Variants in VIPR2 observed in about 807,000 individuals in gnomAD.
The protein encoded by VIPR2 is vasoactive intestinal polypeptide receptor 2.
VIPR2 carries 48 observed loss-of-function variants against 58.0 expected under a neutral mutation model. That is an observed-to-expected ratio of 0.83 (90% CI 0.66 to 1.05). VIPR2 has a LOEUF of 1.05. Among genes scored for constraint, VIPR2 ranks in the 50% least tolerant of loss-of-function variants. The pLI is 0.00. For synonymous variants in VIPR2, 243 were observed against 235.2 expected (o/e 1.03, Z -0.30); for missense variants, 534 against 558.0 (o/e 0.96, Z 0.43).
chr7:159,135,004 G>GTTTTTTGTTTTTTTT (rs1416758329), intron 2 of VIPR2, among the ~76,000 whole-genome samples: 4 of 65,992 alleles, frequency 6.1e-5, no homozygotes, highest in African/African-American at 2.6e-4. Context: ...AATTACAAAA[G>GTTTTTTGTTTTTTTT]TTTTTTTTTT....
chr7:159,084,041 G>A (rs988218480), intron 4 of VIPR2, among the ~76,000 whole-genome samples: 3 of 152,234 alleles, frequency 2.0e-5, no homozygotes, highest in Non-Finnish European at 2.9e-5. Flanking sequence ...ACACATCTCC[G>A]TCTGGGAAAC....
At chr7:159,063,051 C>T (rs1159400022) in intron 4 of VIPR2, among the ~76,000 whole-genome samples, 1 of 152,242 alleles carries the variant, frequency 6.6e-6, no homozygotes, top group African/African-American at 2.4e-5. Context: ...TTCCCCACGT[C>T]CCCACTGGAC....
At chr7:159,078,026 C>T (rs1856730096) in intron 4 of VIPR2, among the ~76,000 whole-genome samples, 1 of 152,242 alleles carries the variant, frequency 6.6e-6, no homozygotes, top group Admixed American at 6.5e-5. Flanking sequence ...TTGATATAAA[C>T]TTCAGAGAAA....
chr7:159,069,435 T>C (rs1856268179), intron 4 of VIPR2, among the ~76,000 whole-genome samples: 1 of 152,224 alleles, frequency 6.6e-6, no homozygotes, highest in South Asian at 2.1e-4. Context: ...GTGTGCGGAA[T>C]CCATCTCTTG....
At chr7:159,103,881 T>C (rs767109538) in intron 3 of VIPR2, 27 bp from the exon 4 acceptor site, 40 of 1,598,130 alleles carry the variant, frequency 2.5e-5, no homozygotes, top group Non-Finnish European at 3.3e-5. Flanking sequence ...AGATATTTTA[T>C]CTGCAAGTCC....
chr7:159,142,589 A>G lies in VIPR2; in HGVS notation c.52-44T>C, dbSNP rs182043735. 1.4e-3 allele frequency: 2,068 copies of G among 1,501,010 alleles called. 9 individuals are homozygous for G. The highest frequency in any genetic ancestry group is 1.1e-3 in the Non-Finnish European group (1,199 of 1,087,344). 93.0% of individuals were successfully genotyped at this position (1,501,010 alleles called of 1,614,324 possible). A position where few individuals can be genotyped will look rare whatever the true frequency, so the allele number is the denominator to read the frequency against. The stretch of plus-strand genomic sequence containing the variant: ...AATATTAATAACTAAAAATTCCACA[A>G]GAAGAAGAAAAGCAAGCAAAAATTC... On this transcript the variant is annotated intron_variant, in intron 1 of 12. Coordinates refer to ENST00000262178, the MANE Select transcript of VIPR2 (RefSeq NM_003382.5).
At position 159,034,639 on chromosome 7, in the gene VIPR2, G is replaced by A; in HGVS notation, c.821C>T (p.Thr274Ile). The A allele has an allele frequency of 1.9e-6, 3 of 1,613,840 alleles. No homozygotes were observed. Among genetic ancestry groups the A allele is most frequent in the Non-Finnish European group, 2.5e-6 (3 of 1,179,808 alleles). ...LYLEDTGCWD[T>I]NDHSVPWWVI... is the part of the protein sequence containing the mutation. ...CCACCAGGGCACACTGTGGTCGTTT[G>A]TATCCCAGCAACTGTCAGAGAGAGA... Residue 274 changes from threonine (T) to isoleucine (I), a missense_variant, in exon 9 of 13, where the codon ACA (threonine) becomes ATA (isoleucine). Thr to Ile is a moderately conservative substitution (Grantham distance 89). Around this residue, in one of 3 missense-constraint regions of VIPR2, gnomAD observed 306 missense variants for 285.8 expected, o/e 1.07. Coordinates refer to ENST00000262178, the MANE Select transcript of VIPR2 (RefSeq NM_003382.5).
At chr7:159,071,187 C>A (rs1376026914) in intron 4 of VIPR2, among the ~76,000 whole-genome samples, 2 of 152,210 alleles carry the variant, frequency 1.3e-5, no homozygotes, top group African/African-American at 4.8e-5. Context: ...TCATGAGGAA[C>A]TGTGCACACT....
At chr7:159,126,127 G>A (rs1261002932) in intron 2 of VIPR2, among the ~76,000 whole-genome samples, 4 of 152,220 alleles carry the variant, frequency 2.6e-5, no homozygotes, top group Non-Finnish European at 5.9e-5. Context: ...ATCTGGAGAT[G>A]CTGAAACGGT....
chr7:159,144,383 C>CCGCAGCT, intron 1 of VIPR2: 1 of 1,544,492 alleles, frequency 6.5e-7, no homozygotes, highest in Non-Finnish European at 8.7e-7. Context: ...GCGCAGGCGC[C>CCGCAGCT]CGCAGCTCCC....
chr7:159,135,004 G>GTTTTTTTTTTTTT lies in VIPR2; in HGVS notation c.151+7429_151+7441dup, dbSNP rs747914292. On this transcript the variant is annotated intron_variant, in intron 2 of 12. Transcript: ENST00000262178. Reference sequence around the variant, plus strand: ...TATTGGTCTTCTCTTAATTACAAAAGTTTTTTTTTTTTTTTTTTTTTTTTT... The same window carrying GTTTTTTTTTTTTT: ...TATTGGTCTTCTCTTAATTACAAAAGTTTTTTTTTTTTTTTTTTTTTTTTTTTTTTTTTTTTTT... Among the ~76,000 whole-genome samples, 317 of 65,812 alleles carry GTTTTTTTTTTTTT rather than the reference G, an allele frequency of 4.8e-3. 12 individuals are homozygous for GTTTTTTTTTTTTT. The highest frequency in any genetic ancestry group is 6.6e-3 in the Non-Finnish European group (231 of 35,188). 43.2% of individuals were successfully genotyped at this position (65,812 alleles called of 152,430 possible). A position where few individuals can be genotyped will look rare whatever the true frequency, so the allele number is the denominator to read the frequency against.
At position 159,093,376 on chromosome 7, in the gene VIPR2, A is replaced by G. The variant is rs1857610066; in HGVS notation, c.357+10381T>C. ...AACCGTGTTTTAAGAAGCGTCCTTT[A>G]GTAGAAGTCAGGGCAGGCACCGCGG... is the stretch of plus-strand genomic sequence containing the variant. On this transcript the variant is annotated intron_variant, in intron 4 of 12. Coordinates refer to ENST00000262178, the MANE Select transcript of VIPR2 (RefSeq NM_003382.5). This position sits in a 1 kb window ranked among gnomAD's most constrained non-coding sequence, Gnocchi z 6.7. 2.0e-5 allele frequency among the ~76,000 whole-genome samples: 3 copies of G among 152,204 alleles called. No homozygotes were observed. In the South Asian group the frequency reaches 6.2e-4, roughly 32 times the overall value.
At chr7:159,035,810 C>A in intron 8 of VIPR2, 142 bp downstream of exon 8, 1 of 1,435,048 alleles carries the variant, frequency 7.0e-7, no homozygotes, top group South Asian at 1.5e-5. Context: ...ATGAATCGCC[C>A]AGATGCTTCC....
chr7:159,128,855 C>T lies in VIPR2; in HGVS notation c.151+13591G>A, dbSNP rs115710912. 0.011 allele frequency among the ~76,000 whole-genome samples: 1,679 copies of T among 152,338 alleles called. 26 individuals carry two copies. Among genetic ancestry groups the T allele is most frequent in the African/African-American group, 0.024 (1,016 of 41,574 alleles). ...TGCTCTTCTCCCTCAACTGCTCCCT[C>T]CTTCCCTCCCTGCGGCTGAGCTCAG... On this transcript the variant is annotated intron_variant, in intron 2 of 12. Transcript: ENST00000262178. This position sits in a 1 kb window ranked among gnomAD's most constrained non-coding sequence, Gnocchi z 4.1.
chr7:159,118,681 A>G (rs1308982393), intron 2 of VIPR2, among the ~76,000 whole-genome samples: 1 of 152,274 alleles, frequency 6.6e-6, no homozygotes, highest in Non-Finnish European at 1.5e-5. Flanking sequence ...TTCTTTCATT[A>G]TAGAAAGTGA....
chr7:159,144,345 C>G, intron 1 of VIPR2: 1 of 1,536,494 alleles, frequency 6.5e-7, no homozygotes, highest in Non-Finnish European at 8.8e-7. Flanking sequence ...CAACGCCAAC[C>G]CCGATCTCCC....
chr7:159,101,035 T>C (rs1172922128), intron 4 of VIPR2, among the ~76,000 whole-genome samples: 2 of 137,064 alleles, frequency 1.5e-5, no homozygotes, highest in Middle Eastern at 9.5e-3. Flanking sequence ...AGTGAACTGG[T>C]CTCACGAGAT....
chr7:159,106,160 G>A (rs985498310), intron 3 of VIPR2, among the ~76,000 whole-genome samples: 2 of 152,138 alleles, frequency 1.3e-5, no homozygotes, highest in African/African-American at 4.8e-5. Context: ...AGCTGAGCCT[G>A]TCACTCATCC....
At chr7:159,123,208 G>A (rs58611395) in intron 2 of VIPR2, among the ~76,000 whole-genome samples, 22,859 of 140,442 alleles carry the variant, frequency 0.16, 1,806 homozygotes, top group East Asian at 0.18. Context: ...CAGGAGAATC[G>A]CTTCAACCCA....
Sources: allele counts gnomAD v4.1 joint callset (sites outside exome capture counted in the v4.1 genomes callset), GRCh38; gene constraint gnomAD v4.1.1; regional missense constraint gnomAD v4.1.1; non-coding constraint Gnocchi (gnomAD v3.1); transcripts MANE v1.5; gene names NCBI Gene and HGNC (gene_info 2026-07-23, HGNC 2026-07-21).